RSU1: variants seen among roughly 807,000 people sequenced by gnomAD.
RSU1 encodes the protein rsu-1.
Under a neutral mutation model 31.1 loss-of-function variants are expected in RSU1, and 26 were observed. That is an observed-to-expected ratio of 0.84 (90% CI 0.61 to 1.16). The LOEUF is 1.16. Among genes scored for constraint, RSU1 ranks in the 50% most tolerant of loss-of-function variants. RSU1 has a pLI of 0.00. For missense variants in RSU1, 320 were observed against 339.1 expected, an observed-to-expected ratio of 0.94 and a Z score of 0.44; for synonymous variants, 164 against 136.3, an observed-to-expected ratio of 1.20 and a Z score of -1.41.
At chr10:16,753,565 A>G (rs1023487198) in intron 5 of RSU1, among the ~76,000 whole-genome samples, 15 of 152,234 alleles carry the variant, frequency 9.9e-5, no homozygotes, top group Non-Finnish European at 1.9e-4. Context: ...TAAGGACAAA[A>G]GTAAATGAAG....
At chr10:16,612,516 A>T (rs1350801847) in intron 8 of RSU1, among the ~76,000 whole-genome samples, 1 of 152,226 alleles carries the variant, frequency 6.6e-6, no homozygotes, top group Admixed American at 6.5e-5. Context: ...GTATATCTTC[A>T]GTCCTCTGCA....
intron 3 of RSU1, among the ~76,000 whole-genome samples, chr10:16,772,005 C>T (rs1217099570): frequency 9.2e-5 from 14 of 152,302 alleles, no homozygotes; most frequent in Admixed American, 3.9e-4. Flanking sequence ...TTACTGGGGA[C>T]CTGTGCCCCA....
intron 3 of RSU1, among the ~76,000 whole-genome samples, chr10:16,765,814 G>T (rs909478287): frequency 6.6e-6 from 1 of 152,158 alleles, no homozygotes; most frequent in African/African-American, 2.4e-5. Context: ...TCCTCCAGGG[G>T]TGCCCCAGGA....
At chr10:16,732,711 G>T (rs977868203) in intron 7 of RSU1, among the ~76,000 whole-genome samples, 1 of 152,196 alleles carries the variant, frequency 6.6e-6, no homozygotes, top group African/African-American at 2.4e-5. Flanking sequence ...CATTTCTACT[G>T]CAGTGACACC....
chr10:16,747,955 G>C (rs1451939503), intron 7 of RSU1, among the ~76,000 whole-genome samples: 1 of 152,214 alleles, frequency 6.6e-6, no homozygotes, highest in East Asian at 1.9e-4. Context: ...GATGGCTTGA[G>C]CCTGGGAGAC....
intron 2 of RSU1, among the ~76,000 whole-genome samples, chr10:16,809,625 G>A (rs1838360619): frequency 6.6e-6 from 1 of 151,988 alleles, no homozygotes; most frequent in Non-Finnish European, 1.5e-5. Flanking sequence ...GCACAAACTT[G>A]CTATCCAAAG....
At chr10:16,786,551 G>A (rs903819833) in intron 2 of RSU1, among the ~76,000 whole-genome samples, 1 of 151,786 alleles carries the variant, frequency 6.6e-6, no homozygotes, top group Non-Finnish European at 1.5e-5. Context: ...ACTTTGGGGT[G>A]GGGGGGAGTC....
intron 3 of RSU1, among the ~76,000 whole-genome samples, chr10:16,777,585 T>G (rs1377729974): frequency 6.6e-6 from 1 of 152,132 alleles, no homozygotes. Context: ...AATCTTTAGG[T>G]ACAAAACCTG....
At chr10:16,629,151 G>A (rs1834206365) in intron 8 of RSU1, among the ~76,000 whole-genome samples, 2 of 152,146 alleles carry the variant, frequency 1.3e-5, no homozygotes, top group Admixed American at 6.5e-5. Context: ...AGTGTGCATA[G>A]GAATTGCCTG....
intron 3 of RSU1, among the ~76,000 whole-genome samples, chr10:16,766,078 G>C (rs1320353166): frequency 1.3e-5 from 2 of 152,238 alleles, no homozygotes; most frequent in South Asian, 2.1e-4. Context: ...TGGCCTTTTA[G>C]AGGTAAGGCT....
At position 16,606,046 on chromosome 10, in the gene RSU1, T is replaced by C. The variant is rs552949666; in HGVS notation, c.732-12550A>G. Among the ~76,000 whole-genome samples the C allele has an allele frequency of 9.9e-5, 15 of 152,228 alleles. 1 individual carries two copies. The highest frequency in any genetic ancestry group is 6.8e-3 in the Middle Eastern group (2 of 294). On this transcript the variant is annotated intron_variant, in intron 8 of 8. Transcript: ENST00000345264. Reference sequence around the variant, plus strand: ...GGGATTACAGGCACACCTTGCCAGCTTGCAGGGCTTCTAAGGCTAAAGGGA... The same window carrying C: ...GGGATTACAGGCACACCTTGCCAGCCTGCAGGGCTTCTAAGGCTAAAGGGA...
At position 16,754,998 on chromosome 10, in the gene RSU1, G is replaced by A; in HGVS notation, c.282-9C>T. 6.3e-7 allele frequency: 1 copy of A among 1,576,270 alleles called. No homozygotes were observed. The highest frequency in any genetic ancestry group is 8.7e-7 in the Non-Finnish European group (1 of 1,150,270). On this transcript the variant is annotated splice_polypyrimidine_tract_variant and intron_variant, in intron 4 of 8. Transcript: ENST00000345264. ...TGTTCAGCCTGTTCATGCTGTTGCAGGGGGACAAAAATCTATGTCATGACA... is the reference window on the plus strand; with the variant it reads ...TGTTCAGCCTGTTCATGCTGTTGCAAGGGGACAAAAATCTATGTCATGACA...
chr10:16,636,858 C>T (rs1352908976), intron 8 of RSU1, among the ~76,000 whole-genome samples: 1 of 152,142 alleles, frequency 6.6e-6, no homozygotes, highest in South Asian at 2.1e-4. Context: ...CTCACATCCC[C>T]TACCCCTCAC....
At chr10:16,771,181 T>C (rs1031477237) in intron 3 of RSU1, among the ~76,000 whole-genome samples, 2 of 152,064 alleles carry the variant, frequency 1.3e-5, no homozygotes, top group South Asian at 2.1e-4. Flanking sequence ...AACATGAGAA[T>C]AGGTGAAAAT....
chr10:16,751,651 T>C (rs1393757779), intron 7 of RSU1, among the ~76,000 whole-genome samples: 3 of 152,242 alleles, frequency 2.0e-5, no homozygotes, highest in Admixed American at 6.5e-5. Flanking sequence ...CTCCTGGTGA[T>C]TGCATTCTAA....
chr10:16,724,889 C>A (rs997042496), intron 7 of RSU1, among the ~76,000 whole-genome samples: 49 of 152,170 alleles, frequency 3.2e-4, no homozygotes, highest in African/African-American at 1.1e-3. Context: ...GGATCAATCT[C>A]AAGAAGCAAT....
At chr10:16,658,076 G>A (rs939700273) in intron 8 of RSU1, among the ~76,000 whole-genome samples, 1 of 152,220 alleles carries the variant, frequency 6.6e-6, no homozygotes, top group Non-Finnish European at 1.5e-5. Context: ...TCTTCTAGGG[G>A]ATAACAGGGC....
chr10:16,593,333 A>C lies in RSU1; in HGVS notation c.*61T>G, dbSNP rs1833543975. 6.2e-7 allele frequency: 1 copy of C among 1,611,814 alleles called. No homozygotes were observed. Among genetic ancestry groups the C allele is most frequent in the Non-Finnish European group, 8.5e-7 (1 of 1,178,756 alleles). ...TTGGGTTTATTTGAGAGACAGGGCAAGAGAGAATGAAGTGTTGGAGAGAGA... is the reference window on the plus strand; with the variant it reads ...TTGGGTTTATTTGAGAGACAGGGCACGAGAGAATGAAGTGTTGGAGAGAGA... On this transcript the variant is annotated 3_prime_UTR_variant, in exon 9 of 9. Coordinates refer to ENST00000345264, the MANE Select transcript of RSU1 (RefSeq NM_012425.4).
At chr10:16,619,694 C>A (rs1165207568) in intron 8 of RSU1, among the ~76,000 whole-genome samples, 1 of 152,178 alleles carries the variant, frequency 6.6e-6, no homozygotes, top group African/African-American at 2.4e-5. Context: ...AGAATATGGT[C>A]ATTTCTTAGC....
Sources: gnomAD v4.1 joint callset for allele counts (sites outside exome capture counted in the v4.1 genomes callset) on GRCh38, gnomAD v4.1.1 for gene constraint, MANE v1.5 for transcripts, NCBI Gene and HGNC (gene_info 2026-07-23, HGNC 2026-07-21) for gene names.